CDH12: variants seen among roughly 807,000 people sequenced by gnomAD.
The protein encoded by CDH12 is cadherin-12.
CDH12 carries 41 observed loss-of-function variants against 74.1 expected under a neutral mutation model. That is an observed-to-expected ratio of 0.55 (90% CI 0.43 to 0.72). The LOEUF (loss-of-function observed/expected upper bound fraction) is 0.72. Among genes scored for constraint, CDH12 ranks in the 30% least tolerant of loss-of-function variants. CDH12 has a pLI of 0.00. For missense variants in CDH12, 945 were observed against 977.2 expected, an observed-to-expected ratio of 0.97 and a Z score of 0.44; for synonymous variants, 399 against 355.0, an observed-to-expected ratio of 1.12 and a Z score of -1.39.
At chr5:22,151,263 C>A (rs1469437494) in intron 4 of CDH12, among the ~76,000 whole-genome samples, 2 of 152,010 alleles carry the variant, frequency 1.3e-5, no homozygotes, top group African/African-American at 2.4e-5. Flanking sequence ...CACTTTATTG[C>A]CTTTAAACTG....
rs1377043102 is a variant in CDH12 at position 22,476,357 on chromosome 5, AC to A, written c.-428+28912del. 6.5e-4 allele frequency among the ~76,000 whole-genome samples: 99 copies of A among 152,264 alleles called. 2 individuals are homozygous for A. The highest frequency in any genetic ancestry group is 2.4e-3 in the African/African-American group (99 of 41,582). On this transcript the variant is annotated intron_variant, in intron 2 of 14. Transcript: ENST00000382254. Reference sequence around the variant, plus strand: ...TATGTTTTATTGTTTATTGAATGGTACACATCATTCATATTAAATAGTACAA... The same window carrying A: ...TATGTTTTATTGTTTATTGAATGGTAACATCATTCATATTAAATAGTACAA...
chr5:21,992,476 T>C (rs1228804389), intron 5 of CDH12, among the ~76,000 whole-genome samples: 2 of 152,242 alleles, frequency 1.3e-5, no homozygotes, highest in East Asian at 3.9e-4. Context: ...TAAAGTTTGG[T>C]TGCTTTTCAG....
intron 1 of CDH12, among the ~76,000 whole-genome samples, chr5:22,761,004 C>T (rs955803196): frequency 6.6e-6 from 1 of 152,118 alleles, no homozygotes; most frequent in Non-Finnish European, 1.5e-5. Context: ...GTTGTTTGAG[C>T]AATATGTTTT....
rs1483453566 is a variant in CDH12, at chr5:21,760,817, CATA to C, written c.1516-145_1516-143del. The C allele has an allele frequency of 1.2e-5, 8 of 651,766 alleles. No homozygotes were observed. The Admixed American group carries it at 1.9e-4, about 16-fold the overall frequency. The allele number at this position is 651,766 out of a possible 1,614,324, so 40.4% of individuals were successfully genotyped here. A position where few individuals can be genotyped will look rare whatever the true frequency, so the allele number is the denominator to read the frequency against. ...AATACCAGTAGGTCAATTATTTACA[CATA>C]ATGTTTATAAACAAATTTCTAACAT... On this transcript the variant is annotated intron_variant, in intron 12 of 14. Transcript: ENST00000382254.
At chr5:22,467,534 G>A (rs964587394) in intron 2 of CDH12, among the ~76,000 whole-genome samples, 3 of 152,132 alleles carry the variant, frequency 2.0e-5, no homozygotes, top group African/African-American at 7.2e-5. Flanking sequence ...TTGTTAAAGA[G>A]TTCATTTTCC....
intron 1 of CDH12, among the ~76,000 whole-genome samples, chr5:22,521,137 T>G (rs755211057): frequency 6.6e-6 from 1 of 152,038 alleles, no homozygotes; most frequent in Non-Finnish European, 1.5e-5. Flanking sequence ...AAGATCTCTA[T>G]TGAAAGTGTT....
intron 6 of CDH12, among the ~76,000 whole-genome samples, chr5:21,912,100 C>T (rs1753883762): frequency 6.6e-6 from 1 of 152,004 alleles, no homozygotes. Flanking sequence ...AAGACTATTT[C>T]TAATAGTTTT....
chr5:22,723,758 GTAACTTAATATT>G (rs2126993396), intron 1 of CDH12, among the ~76,000 whole-genome samples: 1 of 152,110 alleles, frequency 6.6e-6, no homozygotes, highest in Non-Finnish European at 1.5e-5. Context: ...GGAGAAGGAG[GTAACTTAATATT>G]TAACTATGTA....
chr5:22,553,473 A>G (rs920712820), intron 1 of CDH12, among the ~76,000 whole-genome samples: 2 of 152,130 alleles, frequency 1.3e-5, no homozygotes, highest in Non-Finnish European at 1.5e-5. Flanking sequence ...TCAGTCTAGC[A>G]TATAAAGAGT....
intron 3 of CDH12, among the ~76,000 whole-genome samples, chr5:22,285,118 T>A (rs1378438137): frequency 6.6e-6 from 1 of 152,146 alleles, no homozygotes; most frequent in Non-Finnish European, 1.5e-5. Context: ...TTAATTAGTC[T>A]TTACTCAAAG....
At chr5:22,657,978 T>C (rs1740139726) in intron 1 of CDH12, among the ~76,000 whole-genome samples, 1 of 152,308 alleles carries the variant, frequency 6.6e-6, no homozygotes, top group East Asian at 1.9e-4. Context: ...AAGCTCATGA[T>C]GGCTAAGGAG....
rs560600157 is a variant in CDH12 at position 22,049,429 on chromosome 5, T to C, written c.231+29017A>G. Among the ~76,000 whole-genome samples, 14 of 152,268 alleles carry C rather than the reference T, an allele frequency of 9.2e-5. No individual in the cohort carries two copies. The East Asian group carries it at 2.5e-3, about 27-fold the overall frequency. The stretch of plus-strand genomic sequence containing the variant: ...GTTTCTAGTCCTCTTCCTTTTTCCT[T>C]GCCCAAGTTCAGCAGCTTTTGATTT... On this transcript the variant is annotated intron_variant, in intron 5 of 14. Transcript: ENST00000382254.
intron 4 of CDH12, among the ~76,000 whole-genome samples, chr5:22,114,119 T>G (rs1000174152): frequency 1.3e-5 from 2 of 152,164 alleles, no homozygotes; most frequent in African/African-American, 4.8e-5. Context: ...GAAACAGCAG[T>G]AGGAGCTTTT....
At chr5:22,427,561 T>C (rs1743992734) in intron 2 of CDH12, among the ~76,000 whole-genome samples, 3 of 152,228 alleles carry the variant, frequency 2.0e-5, no homozygotes, top group Non-Finnish European at 4.4e-5. Context: ...TTTTTCTTTG[T>C]CTTTACTCTA....
intron 4 of CDH12, among the ~76,000 whole-genome samples, chr5:22,125,024 G>C (rs1745763975): frequency 6.6e-6 from 1 of 152,146 alleles, no homozygotes; most frequent in African/African-American, 2.4e-5. Context: ...AGGTGCACCT[G>C]TCCTTGCTTC....
At chr5:22,486,095 C>T (rs1746581980) in intron 2 of CDH12, among the ~76,000 whole-genome samples, 1 of 152,202 alleles carries the variant, frequency 6.6e-6, no homozygotes, top group Admixed American at 6.5e-5. Context: ...AGCCTCTCCT[C>T]ATCAAGTGTT....
intron 4 of CDH12, among the ~76,000 whole-genome samples, chr5:22,082,799 C>T (rs1313216231): frequency 6.6e-6 from 1 of 152,106 alleles, no homozygotes; most frequent in Non-Finnish European, 1.5e-5. Context: ...GAACATGATG[C>T]CCATTTCCCT....
chr5:22,055,300 C>A (rs999644692), intron 5 of CDH12, among the ~76,000 whole-genome samples: 5 of 152,172 alleles, frequency 3.3e-5, no homozygotes, highest in African/African-American at 1.2e-4. Flanking sequence ...GCTCACCTGG[C>A]ATACAGGGAC....
chr5:22,456,505 G>A (rs1277757438), intron 2 of CDH12, among the ~76,000 whole-genome samples: 3 of 151,988 alleles, frequency 2.0e-5, no homozygotes, highest in Non-Finnish European at 2.9e-5. Context: ...GTCCGCTAAA[G>A]GAAATTATGA....
Sources: gnomAD v4.1 joint callset for allele counts (sites outside exome capture counted in the v4.1 genomes callset) on GRCh38, gnomAD v4.1.1 for gene constraint, MANE v1.5 for transcripts, NCBI Gene and HGNC (gene_info 2026-07-23, HGNC 2026-07-21) for gene names.